The following ADAMTSL1 variants were observed in gnomAD, a reference collection of about 807,000 sequenced individuals.
The protein encoded by ADAMTSL1 is ADAMTS like 1.
A neutral mutation model predicts 201.8 loss-of-function variants in ADAMTSL1; 126 were observed. The ratio of observed to expected loss-of-function variants is 0.62; its 90% CI spans 0.54 to 0.72. The LOEUF is 0.72. Ranked by LOEUF, ADAMTSL1 falls within the 30% of genes least tolerant of loss-of-function variation. The pLI is 0.00. For missense variants in ADAMTSL1, 2,679 were observed against 2,277.8 expected (o/e 1.18, Z -3.59); for synonymous variants, 1,121 against 903.4 (o/e 1.24, Z -4.32).
chr9:18,377,604 C>CGAG (rs1837358480), intron 2 of ADAMTSL1, among the ~76,000 whole-genome samples: 1 of 152,206 alleles, frequency 6.6e-6, no homozygotes, highest in African/African-American at 2.4e-5. Context: ...GAGTCTCACT[C>CGAG]TGTCACCCAG....
intron 20 of ADAMTSL1, among the ~76,000 whole-genome samples, chr9:18,805,099 A>T (rs979062873): frequency 2.6e-5 from 4 of 152,146 alleles, no homozygotes; most frequent in Non-Finnish European, 5.9e-5. Context: ...TTGAACTCTA[A>T]TGGGGGTCAC....
rs1824141216 is a variant in ADAMTSL1 at position 18,094,125 on chromosome 9, G to C, written c.88-69737G>C. 2.0e-5 allele frequency among the ~76,000 whole-genome samples: 3 copies of C among 152,186 alleles called. No individual in the cohort carries two copies. The South Asian group carries it at 6.2e-4, about 32-fold the overall frequency. The stretch of plus-strand genomic sequence containing the variant: ...AGAAACTGGAGGTTAGAAAACCTAT[G>C]AGTGATAGCTACCATTATTGGTTGC... On this transcript the variant is annotated intron_variant, in intron 1 of 29. Coordinates refer to the ADAMTSL1 transcript ENST00000680146.
At chr9:17,927,906 A>C (rs1308747798) in intron 1 of ADAMTSL1, among the ~76,000 whole-genome samples, 1 of 151,450 alleles carries the variant, frequency 6.6e-6, no homozygotes, top group East Asian at 1.9e-4. Context: ...AGTTGCTTTC[A>C]CTTTTTGGCT....
chr9:18,184,160 A>G (rs1587256007), intron 2 of ADAMTSL1, among the ~76,000 whole-genome samples: 1 of 152,148 alleles, frequency 6.6e-6, no homozygotes, highest in African/African-American at 2.4e-5. Flanking sequence ...TGCTGCATAT[A>G]TTTCTTGTTC....
At chr9:17,969,217 A>C (rs545089882) in intron 1 of ADAMTSL1, among the ~76,000 whole-genome samples, 1 of 152,232 alleles carries the variant, frequency 6.6e-6, no homozygotes, top group East Asian at 1.9e-4. Flanking sequence ...TTAAAAATCT[A>C]ATTTCTCTCT....
chr9:18,182,530 A>G (rs910300588), intron 2 of ADAMTSL1, among the ~76,000 whole-genome samples: 2 of 152,218 alleles, frequency 1.3e-5, no homozygotes, highest in African/African-American at 4.8e-5. Flanking sequence ...CTCTGTTTAT[A>G]TAAGGAGAAA....
intron 9 of ADAMTSL1, among the ~76,000 whole-genome samples, chr9:18,675,000 G>T (rs79816352): frequency 0.026 from 4,029 of 152,102 alleles, 72 homozygotes; most frequent in Middle Eastern, 0.048. Flanking sequence ...GTAGGTCAGA[G>T]TAGTTTATTG....
At chr9:17,961,836 G>C (rs1451626263) in intron 1 of ADAMTSL1, among the ~76,000 whole-genome samples, 1 of 152,076 alleles carries the variant, frequency 6.6e-6, no homozygotes, top group Non-Finnish European at 1.5e-5. Context: ...AGCATGGTGT[G>C]GTCACCACAG....
At chr9:18,834,302 ATTC>A (rs1209670934) in intron 23 of ADAMTSL1, among the ~76,000 whole-genome samples, 2 of 152,140 alleles carry the variant, frequency 1.3e-5, no homozygotes, top group Non-Finnish European at 2.9e-5. Flanking sequence ...AACAATGTTG[ATTC>A]TTCTTATCGA....
At chr9:18,032,997 T>C (rs1392462754) in intron 1 of ADAMTSL1, among the ~76,000 whole-genome samples, 1 of 152,216 alleles carries the variant, frequency 6.6e-6, no homozygotes, top group Non-Finnish European at 1.5e-5. Context: ...AATCGTTTAC[T>C]TGATATTTTG....
chr9:18,578,771 A>G (rs1822899154), intron 4 of ADAMTSL1, among the ~76,000 whole-genome samples: 1 of 151,490 alleles, frequency 6.6e-6, no homozygotes, highest in Non-Finnish European at 1.5e-5. Flanking sequence ...GTCAAATGGT[A>G]TTTCTAGTTC....
intron 1 of ADAMTSL1, among the ~76,000 whole-genome samples, chr9:17,916,024 A>G (rs1226481821): frequency 6.6e-6 from 1 of 152,142 alleles, no homozygotes; most frequent in Non-Finnish European, 1.5e-5. Context: ...TGTTCAAACA[A>G]TTCTCATGCT....
At chr9:18,760,109 C>G (rs1819987919) in intron 16 of ADAMTSL1, among the ~76,000 whole-genome samples, 1 of 152,186 alleles carries the variant, frequency 6.6e-6, no homozygotes, top group Non-Finnish European at 1.5e-5. Context: ...CCCCATTAAC[C>G]TGGTCTTTCA....
intron 1 of ADAMTSL1, among the ~76,000 whole-genome samples, chr9:18,485,111 T>C (rs1226018040): frequency 6.6e-6 from 1 of 152,166 alleles, no homozygotes; most frequent in African/African-American, 2.4e-5. Flanking sequence ...TTTTCCATCT[T>C]GACAAGGAAA....
At chr9:18,124,912 G>T (rs1262849208) in intron 1 of ADAMTSL1, among the ~76,000 whole-genome samples, 1 of 152,146 alleles carries the variant, frequency 6.6e-6, no homozygotes, top group African/African-American at 2.4e-5. Context: ...TTGAGGGTAA[G>T]ATAGGAAATA....
Position 18,680,109 on chromosome 9 carries a change from G to A in ADAMTSL1, c.1137-203G>A, listed in dbSNP as rs549498725. Among the ~76,000 whole-genome samples the A allele has an allele frequency of 1.2e-4, 18 of 152,264 alleles. No individual in the cohort carries two copies. The South Asian group carries it at 2.7e-3, about 23-fold the overall frequency. ...GGCTTACATTTGTATAGAGCTTCAC[G>A]GTTTGCAGAGCCCTTTTGCCAATGT... On this transcript the variant is annotated intron_variant, in intron 10 of 28. Coordinates refer to ENST00000380548, the MANE Select transcript of ADAMTSL1 (RefSeq NM_001040272.6).
chr9:18,281,030 T>C (rs907992644), intron 2 of ADAMTSL1, among the ~76,000 whole-genome samples: 5 of 152,022 alleles, frequency 3.3e-5, no homozygotes, highest in Non-Finnish European at 5.9e-5. Flanking sequence ...TGTGCACTTC[T>C]ACGCCTGACT....
chr9:18,570,746 G>T (rs141622927), intron 3 of ADAMTSL1, among the ~76,000 whole-genome samples: 39 of 152,198 alleles, frequency 2.6e-4, no homozygotes, highest in African/African-American at 9.4e-4. Flanking sequence ...CTGAACTCCA[G>T]GTTTAAATGC....
chr9:18,096,269 A>G (rs1824247796), intron 1 of ADAMTSL1, among the ~76,000 whole-genome samples: 1 of 152,248 alleles, frequency 6.6e-6, no homozygotes, highest in Admixed American at 6.5e-5. Flanking sequence ...GTGAACTATA[A>G]TGACAATGAC....
Sources: allele counts gnomAD v4.1 joint callset (sites outside exome capture counted in the v4.1 genomes callset), GRCh38; gene constraint gnomAD v4.1.1; transcripts MANE v1.5; gene names NCBI Gene and HGNC (gene_info 2026-07-23, HGNC 2026-07-21).